Variants in TMEM71 observed in about 807,000 individuals in gnomAD.
The protein encoded by TMEM71 is transmembrane protein 71.
A neutral mutation model predicts 38.0 loss-of-function variants in TMEM71; 44 were observed. The ratio of observed to expected loss-of-function variants is 1.16; its 90% CI spans 0.91 to 1.49. TMEM71 has a LOEUF of 1.49. Ranked by LOEUF, TMEM71 falls within the 40% of genes most tolerant of loss-of-function variation. The probability of loss-of-function intolerance (pLI) is 0.00; values close to 1 mark genes in which losing one functional copy is unlikely to be tolerated. For missense variants in TMEM71, 367 were observed against 348.6 expected (o/e 1.05, Z -0.42); for synonymous variants, 133 against 122.5 (o/e 1.09, Z -0.56).
rs145128884 is a variant in TMEM71, at chr8:132,732,280, T to G, written c.488-4294A>C. Among the ~76,000 whole-genome samples, 272 of 152,030 alleles carry G rather than the reference T, an allele frequency of 1.8e-3. 1 individual carries two copies. Among genetic ancestry groups the G allele is most frequent in the African/African-American group, 6.4e-3 (264 of 41,436 alleles). On this transcript the variant is annotated intron_variant, in intron 5 of 9. Transcript: ENST00000677595. ...CTTCACAGAGGAGGCAGCGCTTCAG[T>G]GGAAACTGGAAGGATGAGTAACAGT...
rs558247501 is a variant in TMEM71 at position 132,752,053 on chromosome 8, A to G, written c.102-56T>C. On this transcript the variant is annotated intron_variant, in intron 3 of 9. Transcript: ENST00000677595. ...CTCTATTCAGTACATCCAGTCCCAAATAAACCATGTCTCATCACTGTGAAG... is the reference window on the plus strand; with the variant it reads ...CTCTATTCAGTACATCCAGTCCCAAGTAAACCATGTCTCATCACTGTGAAG... 4.0e-3 allele frequency: 5,708 copies of G among 1,416,032 alleles called. 23 individuals carry two copies. The highest frequency in any genetic ancestry group is 5.0e-3 in the Non-Finnish European group (5,054 of 1,007,066). The allele number at this position is 1,416,032 out of a possible 1,614,324, so 87.7% of individuals were successfully genotyped here. A position where few individuals can be genotyped will look rare whatever the true frequency, so the allele number is the denominator to read the frequency against.
At chr8:132,767,690 T>A in the TMEM71 span, among the ~76,000 whole-genome samples, 1 of 152,114 alleles carries the variant, frequency 6.6e-6, no homozygotes, top group Admixed American at 6.5e-5. Flanking sequence ...TTGGCCAGGA[T>A]GGTCTCGATC....
chr8:132,706,582 T>A (rs1371259376), downstream of TMEM71, among the ~76,000 whole-genome samples: 1 of 152,170 alleles, frequency 6.6e-6, no homozygotes, highest in East Asian at 1.9e-4. Flanking sequence ...AAATTTTATA[T>A]ATTAAACATG....
intron 5 of TMEM71, among the ~76,000 whole-genome samples, chr8:132,746,496 T>TAC (rs1291484628): frequency 1.8e-4 from 24 of 134,686 alleles, no homozygotes; most frequent in African/African-American, 6.0e-4. Context: ...TACATATATA[T>TAC]ACATATATAT....
chr8:132,756,929 C>T (rs984283972), intron 3 of TMEM71, among the ~76,000 whole-genome samples: 3 of 151,862 alleles, frequency 2.0e-5, no homozygotes, highest in Admixed American at 2.0e-4. Context: ...CTCTGTCGCC[C>T]AGGTTGGAGG....
At chr8:132,753,744 GT>G (rs1331933837) in intron 3 of TMEM71, among the ~76,000 whole-genome samples, 1 of 152,074 alleles carries the variant, frequency 6.6e-6, no homozygotes, top group Non-Finnish European at 1.5e-5. Flanking sequence ...CTCTCAGACT[GT>G]TTCCTTATCT....
chr8:132,714,473 C>T (rs1826396912), intron 7 of TMEM71, among the ~76,000 whole-genome samples: 2 of 151,136 alleles, frequency 1.3e-5, no homozygotes. Context: ...ACCGTCTTTT[C>T]AACCAATGGT....
intron 5 of TMEM71, among the ~76,000 whole-genome samples, chr8:132,728,566 A>C (rs1028851101): frequency 6.6e-6 from 1 of 152,206 alleles, no homozygotes; most frequent in African/African-American, 2.4e-5. Flanking sequence ...TTGTCTTCAT[A>C]CTTGAAGGTT....
chr8:132,758,539 T>C (rs987332813), intron 2 of TMEM71: 1 of 288,376 alleles, frequency 3.5e-6, no homozygotes, highest in Admixed American at 5.2e-5. Context: ...GCATTTTTTA[T>C]ATACAAACAG....
At chr8:132,774,075 A>C in the TMEM71 span, among the ~76,000 whole-genome samples, 1 of 152,230 alleles carries the variant, frequency 6.6e-6, no homozygotes, top group African/African-American at 2.4e-5. Flanking sequence ...GCTGGCATTA[A>C]AAATTACCAA....
intron 7 of TMEM71, among the ~76,000 whole-genome samples, chr8:132,718,026 G>A (rs1312795707): frequency 1.3e-5 from 2 of 152,190 alleles, no homozygotes; most frequent in African/African-American, 4.8e-5. Flanking sequence ...TATAGGAAAT[G>A]TCCAGAATAG....
chr8:132,750,012 C>CAAAAAAAA (rs10623448), intron 4 of TMEM71, among the ~76,000 whole-genome samples: 1 of 124,238 alleles, frequency 8.0e-6, no homozygotes, highest in East Asian at 2.3e-4. Flanking sequence ...GACTCCATCT[C>CAAAAAAAA]AAAAAAAAAA....
chr8:132,742,126 A>G (rs149436870), intron 5 of TMEM71, among the ~76,000 whole-genome samples: 2,149 of 152,346 alleles, frequency 0.014, 50 homozygotes, highest in African/African-American at 0.049. Flanking sequence ...GGTTATGACT[A>G]TAGAGCAAGG....
intron 5 of TMEM71, among the ~76,000 whole-genome samples, chr8:132,737,131 G>A (rs916961116): frequency 6.6e-6 from 1 of 152,174 alleles, no homozygotes; most frequent in African/African-American, 2.4e-5. Context: ...TGAGTATCAG[G>A]TTTCTTTTTG....
rs1333890629 is a variant in TMEM71 at position 132,722,084 on chromosome 8, C to T, written c.708G>A (p.Gln236=). The change falls in exon 7 of 10, where the codon CAG becomes CAA. Residue 236 remains glutamine (Q), a synonymous_variant. Transcript: ENST00000677595. The part of the protein sequence containing the change: ...ETRLLQEVFF[Q]AILLAVCLII... ...TTAAGCACACAGCAAGCAGGATTGC[C>T]TGAAAGAAGACCTCTTGCAACAACC... The T allele has an allele frequency of 6.2e-7, 1 of 1,613,716 alleles. No homozygotes were observed. The highest frequency in any genetic ancestry group is 1.7e-5 in the Admixed American group (1 of 59,970).
intron 5 of TMEM71, among the ~76,000 whole-genome samples, 186 bp downstream of exon 5, chr8:132,746,756 T>C (rs1274803843): frequency 6.6e-6 from 1 of 152,102 alleles, no homozygotes; most frequent in African/African-American, 2.4e-5. Flanking sequence ...TTGCATGACA[T>C]AGACACATAT....
At chr8:132,775,501 T>G in the TMEM71 span, 3 of 375,792 alleles carry the variant, frequency 8.0e-6, no homozygotes, top group Non-Finnish European at 1.4e-5. Flanking sequence ...GATCCGGCGC[T>G]GCGGCCCCAG....
the TMEM71 span, among the ~76,000 whole-genome samples, chr8:132,768,787 C>T: frequency 6.6e-6 from 1 of 152,232 alleles, no homozygotes; most frequent in East Asian, 1.9e-4. Flanking sequence ...CTCCCTCTCC[C>T]TCCTGCAGAA....
rs1010574741 is a variant in TMEM71, at chr8:132,710,226, C to T, written c.*741G>A. On this transcript the variant is annotated 3_prime_UTR_variant, in exon 10 of 10. Transcript: ENST00000677595. The stretch of plus-strand genomic sequence containing the variant: ...TGCACCATTTTCATGCATTTGAAAG[C>T]GCATTGGTGTTTTGCCTATATTTTG... The T allele has an allele frequency of 3.3e-5, 5 of 152,038 alleles. No homozygotes were observed. The highest frequency in any genetic ancestry group is 7.2e-5 in the African/African-American group (3 of 41,400). 9.4% of individuals were successfully genotyped at this position (152,038 alleles called of 1,614,324 possible). A position where few individuals can be genotyped will look rare whatever the true frequency, so the allele number is the denominator to read the frequency against.
Sources: allele counts gnomAD v4.1 joint callset (sites outside exome capture counted in the v4.1 genomes callset), GRCh38; gene constraint gnomAD v4.1.1; transcripts MANE v1.5; gene names NCBI Gene and HGNC (gene_info 2026-07-23, HGNC 2026-07-21).